The following SUN3 variants were observed in gnomAD, a reference collection of about 807,000 sequenced individuals.
SUN3 encodes the protein Sad1 and UNC84 domain containing 3, also known as SUN domain-containing protein 3.
A neutral mutation model predicts 48.2 loss-of-function variants in SUN3; 36 were observed. The observed-to-expected ratio is 0.75, with a 90% confidence interval of 0.57 to 0.99. The LOEUF is 0.99. SUN3 is among the 50% of genes least tolerant of loss of function. The pLI, the probability that SUN3 is intolerant of heterozygous loss-of-function variation, is 0.00. For synonymous variants in SUN3, 148 were observed against 147.9 expected (o/e 1.00, Z 0.00); for missense variants, 419 against 433.1 (o/e 0.97, Z 0.29).
intron 6 of SUN3, among the ~76,000 whole-genome samples, chr7:48,002,412 C>T (rs906529111): frequency 7.9e-6 from 1 of 127,108 alleles, no homozygotes; most frequent in Non-Finnish European, 1.5e-5. Flanking sequence ...CCCGCCTCGG[C>T]CTCCCAAAGT....
At chr7:48,031,805 A>G (rs1195137551), upstream of SUN3, among the ~76,000 whole-genome samples, 1 of 151,092 alleles carries the variant, frequency 6.6e-6, no homozygotes, top group Non-Finnish European at 1.5e-5. Flanking sequence ...CCAAGTGTTT[A>G]TTGATGGATG....
chr7:48,030,764 G>C (rs923559931), upstream of SUN3, among the ~76,000 whole-genome samples: 1 of 152,146 alleles, frequency 6.6e-6, no homozygotes, highest in Non-Finnish European at 1.5e-5. Context: ...TATCTTTAAG[G>C]ATATATACCC....
chr7:47,993,435 T>C (rs1789120825), intron 8 of SUN3, among the ~76,000 whole-genome samples: 1 of 152,104 alleles, frequency 6.6e-6, no homozygotes, highest in Non-Finnish European at 1.5e-5. Flanking sequence ...AATAGATAAA[T>C]AAAATGTCAT....
intron 2 of SUN3, among the ~76,000 whole-genome samples, chr7:48,023,291 G>T (rs1041816426): frequency 6.6e-6 from 1 of 152,120 alleles, no homozygotes; most frequent in African/African-American, 2.4e-5. Flanking sequence ...GGAAAAAAAA[G>T]AGGAGCAGAG....
At chr7:47,994,159 T>G in intron 8 of SUN3, 156 bp downstream of exon 8, 2 of 586,064 alleles carry the variant, frequency 3.4e-6, no homozygotes, top group South Asian at 5.2e-5. Flanking sequence ...ATAAATCATT[T>G]GGTCCAACTC....
intron 4 of SUN3, among the ~76,000 whole-genome samples, chr7:48,008,429 T>G (rs1789593469): frequency 6.6e-6 from 1 of 152,254 alleles, no homozygotes; most frequent in Admixed American, 6.5e-5. Context: ...AAAACTATTT[T>G]AAAATTATTT....
chr7:48,029,261 C>A (rs566941249), upstream of SUN3: 4 of 224,558 alleles, frequency 1.8e-5, no homozygotes, highest in South Asian at 3.0e-4. Context: ...CCCCCATGTA[C>A]CTACCGCTTT....
chr7:48,025,729 A>C (rs531308692), intron 2 of SUN3, 148 bp downstream of exon 2: 1 of 451,072 alleles, frequency 2.2e-6, no homozygotes, highest in East Asian at 3.4e-5. Context: ...ATAAAAAACA[A>C]ACGAAAAAGC....
At position 48,009,087 on chromosome 7, in the gene SUN3, A is replaced by G. The variant is rs776250807; in HGVS notation, c.289-12T>C. On this transcript the variant is annotated splice_polypyrimidine_tract_variant and intron_variant, in intron 3 of 9. Coordinates refer to ENST00000297325, the MANE Select transcript of SUN3 (RefSeq NM_001030019.2). ...ATACGAAGTCTGGCCTGAAAACAAC[A>G]GAAAAAGATAAATCATTCTGAATTC... The G allele has an allele frequency of 3.1e-6, 5 of 1,608,658 alleles. No homozygotes were observed. The highest frequency in any genetic ancestry group is 3.4e-5 in the Admixed American group (2 of 58,878).
chr7:47,990,482 A>G (rs892755705), intron 8 of SUN3, among the ~76,000 whole-genome samples: 2 of 151,776 alleles, frequency 1.3e-5, no homozygotes, highest in African/African-American at 2.4e-5. Flanking sequence ...GAACTCAGAG[A>G]CTGGTGCCGG....
At chr7:47,991,955 C>G (rs1403255130) in intron 8 of SUN3, among the ~76,000 whole-genome samples, 1 of 152,170 alleles carries the variant, frequency 6.6e-6, no homozygotes, top group Non-Finnish European at 1.5e-5. Context: ...CGGCGCCGCC[C>G]CAGAACCGCC....
At chr7:48,026,833 G>A (rs13233970) in intron 1 of SUN3, among the ~76,000 whole-genome samples, 8,694 of 152,076 alleles carry the variant, frequency 0.057, 315 homozygotes, top group South Asian at 0.11. Context: ...GAGAGCCCTC[G>A]CTAGAGACCA....
At chr7:47,999,490 T>G (rs965130330) in intron 6 of SUN3, among the ~76,000 whole-genome samples, 6 of 152,266 alleles carry the variant, frequency 3.9e-5, no homozygotes, top group African/African-American at 1.4e-4. Context: ...TTTCTTCATT[T>G]CCCTTTCCTG....
chr7:47,989,070 AC>A, intron 8 of SUN3, 190 bp from the exon 9 acceptor site: 1 of 415,538 alleles, frequency 2.4e-6, no homozygotes, highest in South Asian at 6.5e-5. Flanking sequence ...TGATCACGGG[AC>A]TGACTAAAAG....
upstream of SUN3, among the ~76,000 whole-genome samples, chr7:48,031,150 A>G (rs1790251969): frequency 6.6e-6 from 1 of 152,254 alleles, no homozygotes; most frequent in African/African-American, 2.4e-5. Context: ...ACCAAAAACC[A>G]AAAAGCTTTT....
chr7:47,993,646 G>A (rs1397021848), intron 8 of SUN3, among the ~76,000 whole-genome samples: 1 of 152,172 alleles, frequency 6.6e-6, no homozygotes, highest in African/African-American at 2.4e-5. Flanking sequence ...GTGGTTGCCA[G>A]GGGCTGGAGG....
chr7:48,026,965 C>A (rs1432461054), intron 1 of SUN3, among the ~76,000 whole-genome samples: 2 of 152,200 alleles, frequency 1.3e-5, no homozygotes, highest in African/African-American at 2.4e-5. Flanking sequence ...ATATACCAAG[C>A]CCATCAGAAG....
At chr7:48,032,572 C>T (rs1489174158), upstream of SUN3, among the ~76,000 whole-genome samples, 1 of 152,130 alleles carries the variant, frequency 6.6e-6, no homozygotes, top group Non-Finnish European at 1.5e-5. Context: ...GGCTGAAAAC[C>T]CAAACTGCTA....
At chr7:48,031,517 C>T (rs1291010118), upstream of SUN3, among the ~76,000 whole-genome samples, 1 of 152,006 alleles carries the variant, frequency 6.6e-6, no homozygotes, top group Admixed American at 6.6e-5. Context: ...AATTGTTAAT[C>T]TTAAAACAAA....
Sources: gnomAD v4.1 joint callset for allele counts (sites outside exome capture counted in the v4.1 genomes callset) on GRCh38, gnomAD v4.1.1 for gene constraint, MANE v1.5 for transcripts, NCBI Gene and HGNC (gene_info 2026-07-23, HGNC 2026-07-21) for gene names.